Variants in MSRA observed in about 807,000 individuals in gnomAD.
The protein encoded by MSRA is methionine sulfoxide reductase A.
MSRA carries 54 observed loss-of-function variants against 31.3 expected under a neutral mutation model. The ratio of observed to expected loss-of-function variants is 1.73; its 90% CI spans 1.39 to 2.17. MSRA has a LOEUF of 2.17. Ranked by LOEUF, MSRA falls within the 30% of genes most tolerant of loss-of-function variation. The probability of loss-of-function intolerance (pLI) is 0.00; values close to 1 mark genes in which losing one functional copy is unlikely to be tolerated. For synonymous variants in MSRA, 169 were observed against 116.5 expected (o/e 1.45, Z -2.90); for missense variants, 507 against 300.9 (o/e 1.69, Z -5.07).
intron 5 of MSRA, among the ~76,000 whole-genome samples, chr8:10,340,255 G>C (rs769203456): frequency 1.3e-5 from 2 of 151,998 alleles, no homozygotes; most frequent in Non-Finnish European, 2.9e-5. Flanking sequence ...CCAGGTGTCC[G>C]TGCTTTTATG....
chr8:10,220,058 G>C (rs1266863641), intron 2 of MSRA, among the ~76,000 whole-genome samples: 1 of 151,996 alleles, frequency 6.6e-6, no homozygotes, highest in East Asian at 1.9e-4. Context: ...GGCCCAAGTA[G>C]TGTGAACAGT....
intron 1 of MSRA, among the ~76,000 whole-genome samples, chr8:10,130,024 T>G (rs151087568): frequency 0.012 from 1,876 of 152,286 alleles, 18 homozygotes; most frequent in Non-Finnish European, 0.018. Flanking sequence ...AGTACCTACA[T>G]CCCTTGGAAG....
chr8:10,393,844 A>G (rs1350974510), intron 5 of MSRA, among the ~76,000 whole-genome samples: 1 of 152,234 alleles, frequency 6.6e-6, no homozygotes, highest in Non-Finnish European at 1.5e-5. Context: ...GTGCACACCT[A>G]CATGGTCACT....
intron 5 of MSRA, among the ~76,000 whole-genome samples, chr8:10,382,894 A>C (rs6997515): frequency 0.52 from 78,422 of 151,912 alleles, 20,531 homozygotes; most frequent in African/African-American, 0.56. Flanking sequence ...TTCACCCTCC[A>C]CCGCCAGCTC....
intron 5 of MSRA, among the ~76,000 whole-genome samples, chr8:10,357,090 T>C (rs997928583): frequency 6.6e-6 from 1 of 152,162 alleles, no homozygotes; most frequent in African/African-American, 2.4e-5. Context: ...CCCAAGTCTA[T>C]CTCTTTAACA....
chr8:10,087,123 C>A (rs1007711580), intron 1 of MSRA, among the ~76,000 whole-genome samples: 5 of 152,182 alleles, frequency 3.3e-5, no homozygotes, highest in African/African-American at 1.2e-4. Flanking sequence ...AGTGTCTTAT[C>A]TTCCTACTAG....
intron 3 of MSRA, among the ~76,000 whole-genome samples, chr8:10,278,077 CTTTA>C (rs1027479948): frequency 2.6e-5 from 4 of 152,056 alleles, no homozygotes; most frequent in African/African-American, 9.7e-5. Flanking sequence ...TTGTTAAACA[CTTTA>C]TTATCACTTG....
intron 5 of MSRA, among the ~76,000 whole-genome samples, chr8:10,355,442 T>G (rs1480303477): frequency 6.6e-6 from 1 of 152,194 alleles, no homozygotes; most frequent in Non-Finnish European, 1.5e-5. Context: ...AAGAACGATG[T>G]GTCGGAGGGC....
At chr8:10,215,967 T>G (rs1283272359) in intron 2 of MSRA, among the ~76,000 whole-genome samples, 2 of 152,222 alleles carry the variant, frequency 1.3e-5, no homozygotes, top group East Asian at 3.8e-4. Flanking sequence ...TATTTTCTAT[T>G]ACTTCTCTGT....
intron 1 of MSRA, among the ~76,000 whole-genome samples, chr8:10,126,472 C>G (rs1801504990): frequency 1.3e-5 from 2 of 152,244 alleles, no homozygotes; most frequent in South Asian, 4.2e-4. Context: ...CAGGATGCGG[C>G]TGTTCCACTT....
chr8:10,127,835 T>C (rs1024617184), intron 1 of MSRA, among the ~76,000 whole-genome samples: 5 of 152,304 alleles, frequency 3.3e-5, no homozygotes, highest in East Asian at 1.9e-4. Flanking sequence ...TTTATCTTGA[T>C]GGTGTTTTGA....
chr8:10,177,086 T>A (rs1806115432), intron 1 of MSRA, among the ~76,000 whole-genome samples: 1 of 152,230 alleles, frequency 6.6e-6, no homozygotes, highest in East Asian at 1.9e-4. Context: ...ACGTGCTGTT[T>A]GCTGTTTGAT....
At chr8:10,382,890 C>G (rs902281805) in intron 5 of MSRA, among the ~76,000 whole-genome samples, 6 of 152,218 alleles carry the variant, frequency 3.9e-5, no homozygotes, top group Admixed American at 6.5e-5. Context: ...ACTCTTCACC[C>G]TCCACCGCCA....
chr8:10,408,780 G>T (rs1342251241), intron 5 of MSRA, among the ~76,000 whole-genome samples: 1 of 102,452 alleles, frequency 9.8e-6, no homozygotes, highest in Non-Finnish European at 1.7e-5. Flanking sequence ...TTATGTTCTT[G>T]CATATTTAGC....
chr8:10,192,085 G>T (rs895474402), intron 1 of MSRA, among the ~76,000 whole-genome samples: 2 of 152,090 alleles, frequency 1.3e-5, no homozygotes, highest in Non-Finnish European at 1.5e-5. Flanking sequence ...GCTGCCTTAC[G>T]ATATAGCAGC....
chr8:10,153,412 C>G (rs549151024), intron 1 of MSRA, among the ~76,000 whole-genome samples: 1 of 152,130 alleles, frequency 6.6e-6, no homozygotes, highest in African/African-American at 2.4e-5. Context: ...TTCCTTTTCC[C>G]TGCTGGTCCA....
chr8:10,302,694 G>A (rs1432991125), intron 4 of MSRA, among the ~76,000 whole-genome samples: 2 of 152,216 alleles, frequency 1.3e-5, no homozygotes, highest in African/African-American at 2.4e-5. Flanking sequence ...GGGTGAGGCA[G>A]GTTCAGGATC....
In MSRA at chr8:10,294,393, C is replaced by T. The variant is rs141138438; in HGVS notation, c.332-7141C>T. Reference sequence around the variant, plus strand: ...TGGGCCAGACTGCTCAAATGCCTCCCGTGGAGTTTTGAGCTAATCATCAGG... The same window carrying T: ...TGGGCCAGACTGCTCAAATGCCTCCTGTGGAGTTTTGAGCTAATCATCAGG... On this transcript the variant is annotated intron_variant, in intron 3 of 5. Transcript: ENST00000317173. 3.2e-4 allele frequency among the ~76,000 whole-genome samples: 49 copies of T among 152,252 alleles called. 2 individuals are homozygous for T. In the East Asian group the frequency reaches 7.9e-3, roughly 25 times the overall value.
intron 5 of MSRA, among the ~76,000 whole-genome samples, chr8:10,326,917 C>T (rs997242688): frequency 1.3e-5 from 2 of 152,122 alleles, no homozygotes; most frequent in African/African-American, 4.8e-5. Context: ...GAATGTGACT[C>T]CAGCTCATTT....
Sources: allele counts gnomAD v4.1 joint callset (sites outside exome capture counted in the v4.1 genomes callset), GRCh38; gene constraint gnomAD v4.1.1; transcripts MANE v1.5; gene names NCBI Gene and HGNC (gene_info 2026-07-23, HGNC 2026-07-21).